Variants in PCDH11Y observed in about 807,000 individuals in gnomAD.
PCDH11Y encodes protocadherin 11 Y-linked, also known as protocadherin-11 Y-linked.
For missense variants in PCDH11Y, 12 were observed against 224.8 expected, an observed-to-expected ratio of 0.05 and a Z score of 6.05; for synonymous variants, 9 against 83.6, an observed-to-expected ratio of 0.11 and a Z score of 4.87.
At chrY:5,239,718 C>CT (rs2052986250) in intron 2 of PCDH11Y, among the ~76,000 whole-genome samples, 3 of 32,322 alleles carry the variant, frequency 9.3e-5, no homozygotes, top group East Asian at 8.0e-4. Context: ...GCTTTGAAAT[C>CT]TTTTTTTTTA....
chrY:5,306,287 AACACACACACAC>A (rs535976345), intron 2 of PCDH11Y, among the ~76,000 whole-genome samples: 3 of 28,209 alleles, frequency 1.1e-4, no homozygotes, highest in Non-Finnish European at 1.7e-4. Context: ...CTGAGCCAAT[AACACACACACAC>A]ACACACACAC....
chrY:5,398,940 T>A, intron 2 of PCDH11Y, among the ~76,000 whole-genome samples: 1 of 33,786 alleles, frequency 3.0e-5, no homozygotes, highest in Non-Finnish European at 7.3e-5. Flanking sequence ...CAAAAATATT[T>A]CTACTGCCTA....
chrY:5,398,099 T>C, intron 2 of PCDH11Y, among the ~76,000 whole-genome samples: 1 of 33,670 alleles, frequency 3.0e-5, no homozygotes, highest in Admixed American at 2.7e-4. Context: ...TTTCCTTGTA[T>C]GTTTACAATG....
intron 2 of PCDH11Y, among the ~76,000 whole-genome samples, chrY:5,444,471 G>A: frequency 3.1e-5 from 1 of 32,672 alleles, no homozygotes; most frequent in Non-Finnish European, 7.6e-5. Flanking sequence ...TGAAAAACAA[G>A]CACATTAAAA....
chrY:5,693,846 A>G, intron 4 of PCDH11Y, among the ~76,000 whole-genome samples: 1 of 33,283 alleles, frequency 3.0e-5, no homozygotes, highest in Non-Finnish European at 7.5e-5. Flanking sequence ...GAATTAATTT[A>G]ATTGTTGTTT....
chrY:5,570,118 C>A, intron 3 of PCDH11Y, among the ~76,000 whole-genome samples: 1 of 33,102 alleles, frequency 3.0e-5, no homozygotes, highest in Non-Finnish European at 7.5e-5. Flanking sequence ...TTCAAAAAAT[C>A]TTTTAATATG....
intron 2 of PCDH11Y, among the ~76,000 whole-genome samples, chrY:5,352,616 G>T: frequency 3.0e-5 from 1 of 33,346 alleles, no homozygotes; most frequent in Non-Finnish European, 7.3e-5. Flanking sequence ...AGACATTTTG[G>T]TTAGAATTAG....
At chrY:5,460,847 C>T in intron 2 of PCDH11Y, among the ~76,000 whole-genome samples, 18 of 33,247 alleles carry the variant, frequency 5.4e-4, no homozygotes, top group Admixed American at 1.4e-3. Flanking sequence ...TCTAGTCAAA[C>T]GGGCCTATCC....
intron 2 of PCDH11Y, among the ~76,000 whole-genome samples, chrY:5,188,591 C>T (rs2052908865): frequency 3.0e-5 from 1 of 32,797 alleles, no homozygotes; most frequent in Non-Finnish European, 7.5e-5. Flanking sequence ...CTCACCATCA[C>T]GAGAACAACA....
In PCDH11Y at chrY:5,159,999, A is replaced by G. The variant is rs1349199920; in HGVS notation, c.3129+59292A>G. ...TTGCTCCTCTCTGAAACATACAGTT[A>G]GCTCTTTTTTGAAATCAAAACATTT... On this transcript the variant is annotated intron_variant, in intron 2 of 4. Coordinates refer to the PCDH11Y transcript ENST00000400457. Among the ~76,000 whole-genome samples, 20 of 27,258 alleles carry G rather than the reference A, an allele frequency of 7.3e-4. No homozygotes were observed. The East Asian group carries it at 0.017, about 24-fold the overall frequency. The allele number at this position is 27,258 out of a possible 37,273, so 73.1% of individuals were successfully genotyped here.
intron 2 of PCDH11Y, among the ~76,000 whole-genome samples, chrY:5,429,875 G>T: frequency 6.4e-5 from 2 of 31,254 alleles, no homozygotes; most frequent in Admixed American, 6.0e-4. Context: ...CCACCATGTT[G>T]CCCAGGCTGG....
At chrY:5,249,619 G>A (rs2053001433) in intron 2 of PCDH11Y, among the ~76,000 whole-genome samples, 2 of 33,325 alleles carry the variant, frequency 6.0e-5, no homozygotes, top group Non-Finnish European at 1.5e-4. Context: ...ATACCATTCA[G>A]GACATAGGCA....
intron 1 of PCDH11Y, among the ~76,000 whole-genome samples, chrY:5,009,544 A>C: frequency 3.0e-5 from 1 of 33,824 alleles, no homozygotes; most frequent in African/African-American, 1.2e-4. Flanking sequence ...CATTTCCTTT[A>C]AGTTTTAAAT....
intron 4 of PCDH11Y, among the ~76,000 whole-genome samples, chrY:5,628,526 C>T: frequency 3.0e-5 from 1 of 33,818 alleles, no homozygotes; most frequent in Non-Finnish European, 7.3e-5. Context: ...TGGCACTAGA[C>T]ATATAATTTC....
chrY:5,105,726 G>T, downstream of PCDH11Y, among the ~76,000 whole-genome samples: 1 of 32,333 alleles, frequency 3.1e-5, no homozygotes, highest in Non-Finnish European at 7.6e-5. Flanking sequence ...AAAGAAAGAG[G>T]TCCTTTCTAT....
intron 1 of PCDH11Y, among the ~76,000 whole-genome samples, chrY:5,095,163 G>A: frequency 6.0e-5 from 2 of 33,070 alleles, no homozygotes; most frequent in Non-Finnish European, 7.5e-5. Flanking sequence ...TTGGATAGTT[G>A]GCTCCGAAAC....
chrY:5,676,206 T>A, intron 4 of PCDH11Y, among the ~76,000 whole-genome samples: 1 of 32,219 alleles, frequency 3.1e-5, no homozygotes, highest in Non-Finnish European at 7.6e-5. Flanking sequence ...AGCAACTTCC[T>A]TAGCTGTATG....
intron 2 of PCDH11Y, among the ~76,000 whole-genome samples, chrY:5,384,973 C>G: frequency 9.9e-5 from 3 of 30,383 alleles, no homozygotes; most frequent in African/African-American, 3.9e-4. Context: ...TCATGAGTGA[C>G]TCCATTTTGG....
chrY:5,297,000 A>G, intron 2 of PCDH11Y, among the ~76,000 whole-genome samples: 1 of 32,763 alleles, frequency 3.1e-5, no homozygotes, highest in Non-Finnish European at 7.5e-5. Context: ...ATCACATCTC[A>G]GAGGCTCACT....
Sources: gnomAD v4.1 joint callset for allele counts (sites outside exome capture counted in the v4.1 genomes callset) on GRCh38, gnomAD v4.1.1 for gene constraint, MANE v1.5 for transcripts, NCBI Gene and HGNC (gene_info 2026-07-23, HGNC 2026-07-21) for gene names.